TSPEAR: variants seen among roughly 807,000 people sequenced by gnomAD.
TSPEAR encodes the protein thrombospondin-type laminin G domain and EAR repeat-containing protein.
In TSPEAR, 69 loss-of-function variants were observed where a neutral mutation model predicts 71.6. The observed-to-expected ratio is 0.96, with a 90% CI of 0.79 to 1.18. TSPEAR has a LOEUF of 1.18. Ranked by LOEUF, TSPEAR falls within the 50% of genes most tolerant of loss-of-function variation. The probability of loss-of-function intolerance (pLI) is 0.00; values close to 1 mark genes in which losing one functional copy is unlikely to be tolerated. For missense variants in TSPEAR, 971 were observed against 894.9 expected, an observed-to-expected ratio of 1.09 and a Z score of -1.09; for synonymous variants, 402 against 387.2, an observed-to-expected ratio of 1.04 and a Z score of -0.45.
chr21:44,505,725 G>A (rs1033963265), intron 10 of TSPEAR, among the ~76,000 whole-genome samples: 1 of 151,674 alleles, frequency 6.6e-6, no homozygotes, highest in Non-Finnish European at 1.5e-5. Context: ...CATCCGTGTC[G>A]CACTGTGTGT....
intron 1 of TSPEAR, chr21:44,574,504 C>T (rs1356413915): frequency 8.7e-6 from 14 of 1,612,796 alleles, no homozygotes; most frequent in Admixed American, 1.7e-5. Flanking sequence ...GATTCCTCTT[C>T]ATGCTGCCAG....
intron 1 of TSPEAR, among the ~76,000 whole-genome samples, chr21:44,589,014 G>A (rs1979558825): frequency 6.6e-6 from 1 of 151,998 alleles, no homozygotes; most frequent in South Asian, 2.1e-4. Flanking sequence ...AGGGCGGGAA[G>A]GGGGTGATGG....
At chr21:44,647,200 ACCTGCTGTGTGCCCGTCTCCT>A (rs782051135) in intron 1 of TSPEAR, 195 of 1,609,752 alleles carry the variant, frequency 1.2e-4, no homozygotes, top group Middle Eastern at 1.7e-4. Flanking sequence ...GTGCAGGTCC[ACCTGCTGTGTGCCCGTCTCCT>A]CCTGCTGTGC....
chr21:44,705,519 G>GATT (rs1355294193), intron 1 of TSPEAR, among the ~76,000 whole-genome samples: 2 of 152,208 alleles, frequency 1.3e-5, no homozygotes, highest in Non-Finnish European at 2.9e-5. Context: ...TCTCAGCATG[G>GATT]GATATCCCTG....
chr21:44,707,894 G>C lies in TSPEAR; in HGVS notation c.82+3539C>G, dbSNP rs527794381. Among the ~76,000 whole-genome samples the C allele has an allele frequency of 1.4e-4, 22 of 152,176 alleles. No homozygotes were observed. The South Asian group carries it at 4.6e-3, about 32-fold the overall frequency. ...GAGTGGACTGGACAGTCTGTTCCCA[G>C]TGTGTCCCTCAGCCTCGGTCCCCCA... On this transcript the variant is annotated intron_variant, in intron 1 of 11. Transcript: ENST00000323084.
At chr21:44,591,696 G>A (rs1979864796) in intron 1 of TSPEAR, 1 of 1,577,184 alleles carries the variant, frequency 6.3e-7, no homozygotes, top group Non-Finnish European at 8.7e-7. Context: ...GGCAGGGGGA[G>A]GAGGTGCAGC....
chr21:44,627,712 T>A, intron 1 of TSPEAR: 1 of 1,598,996 alleles, frequency 6.3e-7, no homozygotes, highest in Non-Finnish European at 8.5e-7. Flanking sequence ...CTGCCAGCAG[T>A]CCTACTGTGT....
At chr21:44,634,009 TTGAGA>T (rs1260469441) in intron 1 of TSPEAR, among the ~76,000 whole-genome samples, 2 of 151,952 alleles carry the variant, frequency 1.3e-5, no homozygotes, top group African/African-American at 4.8e-5. Flanking sequence ...ACTCAGGAGG[TTGAGA>T]TGAGAGGATT....
chr21:44,602,530 T>C (rs1446938488), intron 1 of TSPEAR, among the ~76,000 whole-genome samples: 1 of 152,184 alleles, frequency 6.6e-6, no homozygotes, highest in Non-Finnish European at 1.5e-5. Context: ...GGGCTGGCCC[T>C]TGGCTGGCGT....
chr21:44,672,761 G>A (rs1986122175), intron 1 of TSPEAR, among the ~76,000 whole-genome samples: 1 of 152,100 alleles, frequency 6.6e-6, no homozygotes, highest in African/African-American at 2.4e-5. Flanking sequence ...GAGGGGATTG[G>A]ATCATGGGGG....
At chr21:44,582,204 G>C (rs1327590547) in intron 1 of TSPEAR, among the ~76,000 whole-genome samples, 1 of 152,218 alleles carries the variant, frequency 6.6e-6, no homozygotes, top group East Asian at 1.9e-4. Flanking sequence ...CAGCCACCGC[G>C]TGAGGGGTGA....
At chr21:44,579,252 G>T (rs1439138432) in intron 1 of TSPEAR, among the ~76,000 whole-genome samples, 1 of 152,138 alleles carries the variant, frequency 6.6e-6, no homozygotes, top group Non-Finnish European at 1.5e-5. Flanking sequence ...ACCAGGCTCA[G>T]GAAGACCCAG....
chr21:44,639,127 C>G (rs1036995748), intron 1 of TSPEAR, among the ~76,000 whole-genome samples: 6 of 152,194 alleles, frequency 3.9e-5, no homozygotes, highest in Non-Finnish European at 5.9e-5. Flanking sequence ...GCGGCCTCAC[C>G]TAGACATTCA....
Position 44,649,996 on chromosome 21 carries a change from A to G in TSPEAR, c.82+61437T>C, listed in dbSNP as rs587603764. 5.9e-5 allele frequency among the ~76,000 whole-genome samples: 9 copies of G among 152,260 alleles called. No individual in the cohort carries two copies. The East Asian group carries it at 1.7e-3, about 29-fold the overall frequency. On this transcript the variant is annotated intron_variant, in intron 1 of 11. Coordinates refer to ENST00000323084, the MANE Select transcript of TSPEAR (RefSeq NM_144991.3). ...CAGCACCGTGGGAGGCCGAGGAGGGAGGACCACTCGAGCCCAGGAGTTCGA... is the reference window on the plus strand; with the variant it reads ...CAGCACCGTGGGAGGCCGAGGAGGGGGGACCACTCGAGCCCAGGAGTTCGA...
chr21:44,681,078 T>C (rs1403552420), intron 1 of TSPEAR, among the ~76,000 whole-genome samples: 1 of 152,228 alleles, frequency 6.6e-6, no homozygotes, highest in Non-Finnish European at 1.5e-5. Flanking sequence ...TTACGTATCC[T>C]CTGTGTGTAA....
At chr21:44,507,577 C>T (rs1555912070) in intron 10 of TSPEAR, among the ~76,000 whole-genome samples, 1 of 152,178 alleles carries the variant, frequency 6.6e-6, no homozygotes, top group African/African-American at 2.4e-5. Context: ...CTGTCCATAC[C>T]ACTGTCCAGT....
intron 1 of TSPEAR, chr21:44,675,802 AC>A: frequency 1.8e-6 from 1 of 563,028 alleles, no homozygotes; most frequent in Non-Finnish European, 3.2e-6. Context: ...CTTGCGGCAA[AC>A]CCTTCATGTA....
intron 9 of TSPEAR, among the ~76,000 whole-genome samples, chr21:44,515,006 G>A (rs1368614142): frequency 1.3e-5 from 2 of 152,056 alleles, no homozygotes; most frequent in Admixed American, 6.5e-5. Flanking sequence ...TGTGTGCACA[G>A]CTCCTCAAAC....
chr21:44,520,086 C>T lies in TSPEAR; in HGVS notation c.1566+1797G>A, dbSNP rs1312633277. On this transcript the variant is annotated intron_variant, in intron 9 of 11. Coordinates refer to ENST00000323084, the MANE Select transcript of TSPEAR (RefSeq NM_144991.3). The surrounding 1 kb of genome is among the most constrained non-coding windows in gnomAD (Gnocchi z 4.2). ...TCACCTGTTCCATCCACAGCACTAG[C>T]GAGCTCAAGGTGTGTTCCTTCTGGC... The T allele has an allele frequency of 6.6e-6, 1 of 152,368 alleles. No homozygotes were observed. Among genetic ancestry groups the T allele is most frequent in the African/African-American group, 2.4e-5 (1 of 41,456 alleles). 9.4% of individuals were successfully genotyped at this position (152,368 alleles called of 1,614,324 possible).
Sources: gnomAD v4.1 joint callset for allele counts (sites outside exome capture counted in the v4.1 genomes callset) on GRCh38, gnomAD v4.1.1 for gene constraint, Gnocchi (gnomAD v3.1) non-coding constraint, MANE v1.5 for transcripts, NCBI Gene and HGNC (gene_info 2026-07-23, HGNC 2026-07-21) for gene names.